VPS45: variants seen among roughly 807,000 people sequenced by gnomAD.
The protein encoded by VPS45 is vacuolar protein sorting-associated protein 45.
VPS45 carries 35 observed loss-of-function variants against 75.9 expected under a neutral mutation model. The ratio of observed to expected loss-of-function variants is 0.46; its 90% CI spans 0.35 to 0.61. VPS45 has a LOEUF of 0.61. Among genes scored for constraint, VPS45 ranks in the 20% least tolerant of loss-of-function variants. The pLI is 0.00. For missense variants in VPS45, 559 were observed against 685.9 expected, an observed-to-expected ratio of 0.81 and a Z score of 2.07; for synonymous variants, 220 against 238.2, an observed-to-expected ratio of 0.92 and a Z score of 0.70.
At chr1:150,067,573 G>A, upstream of VPS45, 1 of 431,630 alleles carries the variant, frequency 2.3e-6, no homozygotes, top group Admixed American at 4.1e-5. Flanking sequence ...ATAGGGGTCT[G>A]AGAGTCCGGG....
At chr1:150,093,759 T>C in intron 13 of VPS45, 111 bp downstream of exon 13, 1 of 1,343,154 alleles carries the variant, frequency 7.4e-7, no homozygotes, top group South Asian at 1.8e-5. Context: ...TGCTCCTTTC[T>C]TCTGTTAAGA....
chr1:150,088,605 C>T (rs1212417698), intron 10 of VPS45, among the ~76,000 whole-genome samples: 1 of 150,956 alleles, frequency 6.6e-6, no homozygotes, highest in African/African-American at 2.4e-5. Context: ...TCAGCCTCCC[C>T]AGTAGCTGGG....
At chr1:150,133,414 C>T (rs1033492021) in intron 14 of VPS45, among the ~76,000 whole-genome samples, 1 of 151,984 alleles carries the variant, frequency 6.6e-6, no homozygotes, top group Non-Finnish European at 1.5e-5. Context: ...ATTAGCCGGG[C>T]GTGGTGGTGG....
intron 14 of VPS45, among the ~76,000 whole-genome samples, chr1:150,115,793 A>G (rs971483370): frequency 6.6e-6 from 1 of 151,084 alleles, no homozygotes; most frequent in African/African-American, 2.5e-5. Flanking sequence ...GAGGGTCTCT[A>G]TATTACATGG....
intron 4 of VPS45, 56 bp downstream of exon 4, chr1:150,076,368 A>G: frequency 7.1e-7 from 1 of 1,410,910 alleles, no homozygotes; most frequent in South Asian, 1.3e-5. Context: ...TAAATATTTG[A>G]GTCTAAAAAT....
intron 14 of VPS45, among the ~76,000 whole-genome samples, chr1:150,113,241 C>A (rs1657743915): frequency 6.6e-6 from 1 of 152,048 alleles, no homozygotes; most frequent in Non-Finnish European, 1.5e-5. Flanking sequence ...ACAAAAGACA[C>A]TCCCGTCACC....
intron 13 of VPS45, among the ~76,000 whole-genome samples, chr1:150,105,342 A>G (rs1487146049): frequency 6.6e-6 from 1 of 152,242 alleles, no homozygotes; most frequent in African/African-American, 2.4e-5. Context: ...CTCTGTTCGC[A>G]TTCAATAGGA....
chr1:150,096,668 G>A (rs1479041820), intron 13 of VPS45, among the ~76,000 whole-genome samples: 6 of 152,160 alleles, frequency 3.9e-5, no homozygotes, highest in Non-Finnish European at 8.8e-5. Flanking sequence ...AGGAGAAAAC[G>A]GTGCAGCTAC....
intron 14 of VPS45, among the ~76,000 whole-genome samples, chr1:150,139,962 C>T (rs1553814844): frequency 6.6e-6 from 1 of 152,096 alleles, no homozygotes; most frequent in East Asian, 1.9e-4. Context: ...GGTGCAATCT[C>T]AGCTCACTGT....
In VPS45 at chr1:150,144,852, C is replaced by G; in HGVS notation, c.*56C>G. 6.2e-7 allele frequency: 1 copy of G among 1,611,294 alleles called. No individual in the cohort carries two copies. Among genetic ancestry groups the G allele is most frequent in the Non-Finnish European group, 8.5e-7 (1 of 1,179,040 alleles). On this transcript the variant is annotated 3_prime_UTR_variant, in exon 15 of 15. Coordinates refer to ENST00000644510, the MANE Select transcript of VPS45 (RefSeq NM_007259.5). ...TCTCTTGTCCCCACTACAGGTTTTC[C>G]CTACTAAACAAAGGTGTTGGAGAGC...
At chr1:150,098,887 T>G in intron 13 of VPS45, 1 of 1,272,554 alleles carries the variant, frequency 7.9e-7, no homozygotes, top group South Asian at 1.3e-5. Context: ...AGCAACTTTT[T>G]CATTTGGTGA....
chr1:150,129,520 T>C (rs1486131884), intron 14 of VPS45, among the ~76,000 whole-genome samples: 1 of 152,022 alleles, frequency 6.6e-6, no homozygotes. Context: ...GCCTTTTAGA[T>C]CTTTTGCTAT....
Position 150,144,741 on chromosome 1 carries a change from A to C in VPS45, c.1658A>C (p.His553Pro). Residue 553 changes from histidine (H) to proline (P), a missense_variant, in exon 15 of 15, where the codon CAC (histidine) becomes CCC (proline). By Grantham distance (77) the His-to-Pro change is moderately conservative. Transcript: ENST00000644510. ...FLEEVLASGL[H>P]SRSKESSQVT... ...GAGGAAGTTCTGGCTTCTGGACTGC[A>C]CAGCCGAAGCAAGGAGAGCTCTCAA... 1 of 1,614,200 alleles carries C rather than the reference A, an allele frequency of 6.2e-7. No homozygotes were observed. The highest frequency in any genetic ancestry group is 8.5e-7 in the Non-Finnish European group (1 of 1,180,032).
intron 13 of VPS45, among the ~76,000 whole-genome samples, 169 bp downstream of exon 13, chr1:150,093,817 A>G (rs782504314): frequency 2.0e-5 from 3 of 152,352 alleles, no homozygotes; most frequent in Non-Finnish European, 4.4e-5. Flanking sequence ...TTCCCCTGCT[A>G]AGTCTGAAAC....
chr1:150,073,003 A>G (rs1655168993), intron 3 of VPS45, among the ~76,000 whole-genome samples: 1 of 152,202 alleles, frequency 6.6e-6, no homozygotes, highest in African/African-American at 2.4e-5. Context: ...CACTGAAAGT[A>G]TAAATCATCA....
At chr1:150,141,757 T>C (rs1659402203) in intron 14 of VPS45, among the ~76,000 whole-genome samples, 1 of 152,226 alleles carries the variant, frequency 6.6e-6, no homozygotes, top group Non-Finnish European at 1.5e-5. Context: ...TGATTGTGTA[T>C]CTGTCTCTGA....
intron 9 of VPS45, 123 bp from the exon 10 acceptor site, chr1:150,082,593 A>G: frequency 8.3e-7 from 1 of 1,202,636 alleles, no homozygotes; most frequent in Non-Finnish European, 1.2e-6. Context: ...ATGTGGCTGA[A>G]AGTTGTAGAT....
At chr1:150,105,334 C>T (rs1165842950) in intron 13 of VPS45, among the ~76,000 whole-genome samples, 1 of 152,206 alleles carries the variant, frequency 6.6e-6, no homozygotes, top group Non-Finnish European at 1.5e-5. Flanking sequence ...CAAATTATCT[C>T]TGTTCGCATT....
chr1:150,115,365 G>T (rs1239617649), intron 14 of VPS45, among the ~76,000 whole-genome samples: 1 of 152,090 alleles, frequency 6.6e-6, no homozygotes. Flanking sequence ...ATGCTCACGA[G>T]TTCTATTTTG....
Sources: gnomAD v4.1 joint callset for allele counts (sites outside exome capture counted in the v4.1 genomes callset) on GRCh38, gnomAD v4.1.1 for gene constraint, MANE v1.5 for transcripts, NCBI Gene and HGNC (gene_info 2026-07-23, HGNC 2026-07-21) for gene names.